The following DPYD variants were observed in gnomAD, a reference collection of about 807,000 sequenced individuals.
DPYD encodes the protein dihydropyrimidine dehydrogenase [NADP(+)].
DPYD carries 109 observed loss-of-function variants against 116.2 expected under a neutral mutation model. The ratio of observed to expected loss-of-function variants is 0.94; its 90% confidence interval spans 0.80 to 1.10. The LOEUF is 1.10. Among genes scored for constraint, DPYD ranks in the 50% least tolerant of loss-of-function variants. The probability of loss-of-function intolerance (pLI) is 0.00; values close to 1 mark genes in which losing one functional copy is unlikely to be tolerated. For missense variants in DPYD, 1,302 were observed against 1,254.5 expected (o/e 1.04, Z -0.57); for synonymous variants, 440 against 432.0 (o/e 1.02, Z -0.23).
intron 5 of DPYD, among the ~76,000 whole-genome samples, chr1:97,709,372 A>T (rs72977720): frequency 0.13 from 19,269 of 151,710 alleles, 1,301 homozygotes; most frequent in African/African-American, 0.15. Flanking sequence ...ACTTTTTAAT[A>T]TTTTTACTTT....
chr1:97,279,573 C>T lies in DPYD; in HGVS notation c.2299+25686G>A, dbSNP rs559235390. On this transcript the variant is annotated intron_variant, in intron 18 of 22. Coordinates refer to ENST00000370192, the MANE Select transcript of DPYD (RefSeq NM_000110.4). ...TAACTCAGGCTGGAGTGCAGTGGTG[C>T]GATCTTGGGTCACCGCAACCTCCGC... Among the ~76,000 whole-genome samples, 5 of 152,118 alleles carry T rather than the reference C, an allele frequency of 3.3e-5. No homozygotes were observed. The South Asian group carries it at 8.3e-4, about 25-fold the overall frequency.
intron 8 of DPYD, among the ~76,000 whole-genome samples, chr1:97,612,945 A>C (rs557459442): frequency 6.6e-6 from 1 of 152,032 alleles, no homozygotes; most frequent in South Asian, 2.1e-4. Context: ...TAATTTTGAA[A>C]TTTTCTTACT....
chr1:97,650,141 T>C (rs1054734562), intron 8 of DPYD, among the ~76,000 whole-genome samples: 1 of 152,106 alleles, frequency 6.6e-6, no homozygotes, highest in Non-Finnish European at 1.5e-5. Context: ...TGCACCCTCA[T>C]AGCCCCTTAC....
At chr1:97,125,177 A>T (rs1045805245) in intron 20 of DPYD, among the ~76,000 whole-genome samples, 2 of 152,092 alleles carry the variant, frequency 1.3e-5, no homozygotes, top group African/African-American at 4.8e-5. Context: ...ATTTTCAGAA[A>T]AGAAGAAATA....
chr1:97,603,637 T>C (rs1655402258), intron 8 of DPYD, among the ~76,000 whole-genome samples: 1 of 152,158 alleles, frequency 6.6e-6, no homozygotes, highest in South Asian at 2.1e-4. Context: ...CCAGTAAATG[T>C]AACTCACATT....
At chr1:97,312,016 A>G (rs978123380) in intron 16 of DPYD, among the ~76,000 whole-genome samples, 29 of 151,746 alleles carry the variant, frequency 1.9e-4, no homozygotes, top group African/African-American at 6.8e-4. Flanking sequence ...GAGATGTTCT[A>G]TTTCTTGACC....
chr1:97,769,531 G>A lies in DPYD; in HGVS notation c.234-29052C>T, dbSNP rs532628737. On this transcript the variant is annotated intron_variant, in intron 3 of 22. Transcript: ENST00000370192. ...TTTTTTAGATTAGAAAAACAGTTTC[G>A]TTTCACTCTAAACATTTTCAAAGAG... Among the ~76,000 whole-genome samples the A allele has an allele frequency of 2.4e-3, 368 of 152,144 alleles. 2 individuals carry two copies. Among genetic ancestry groups the A allele is most frequent in the African/African-American group, 7.8e-3 (322 of 41,544 alleles).
intron 10 of DPYD, among the ~76,000 whole-genome samples, chr1:97,576,947 A>C (rs920737016): frequency 6.6e-6 from 1 of 152,230 alleles, no homozygotes; most frequent in Non-Finnish European, 1.5e-5. Context: ...TCCATTTTAC[A>C]TAAGAAAGGG....
At chr1:97,699,634 T>C (rs534372130) in intron 5 of DPYD, 87 bp from the exon 6 acceptor site, 168 of 1,316,696 alleles carry the variant, frequency 1.3e-4, no homozygotes, top group Non-Finnish European at 1.6e-4. Flanking sequence ...CGAATTCTTG[T>C]TTTAAATAGC....
intron 20 of DPYD, among the ~76,000 whole-genome samples, chr1:97,109,633 G>T (rs942965394): frequency 6.6e-6 from 1 of 152,008 alleles, no homozygotes; most frequent in Non-Finnish European, 1.5e-5. Flanking sequence ...TATGCAATAT[G>T]ATACCTAATA....
chr1:97,653,573 G>A (rs1275682074), intron 8 of DPYD, among the ~76,000 whole-genome samples: 1 of 152,118 alleles, frequency 6.6e-6, no homozygotes, highest in Non-Finnish European at 1.5e-5. Flanking sequence ...AAAGTGCTGG[G>A]ATTACAGGTG....
intron 20 of DPYD, among the ~76,000 whole-genome samples, chr1:97,109,536 G>T (rs1651437539): frequency 6.6e-6 from 1 of 152,004 alleles, no homozygotes; most frequent in African/African-American, 2.4e-5. Flanking sequence ...GAGGAAAATG[G>T]GACTGCTATA....
At chr1:97,903,477 C>T (rs1447013404) in intron 1 of DPYD, among the ~76,000 whole-genome samples, 3 of 151,716 alleles carry the variant, frequency 2.0e-5, no homozygotes, top group Non-Finnish European at 2.9e-5. Context: ...TTTGTCATAA[C>T]CAGAATCTTG....
At chr1:97,750,533 A>G (rs1368934313) in intron 3 of DPYD, among the ~76,000 whole-genome samples, 1 of 152,192 alleles carries the variant, frequency 6.6e-6, no homozygotes, top group African/African-American at 2.4e-5. Flanking sequence ...TAAAAACAAG[A>G]CATAGATGTT....
At chr1:97,721,420 T>C in intron 5 of DPYD, 90 bp downstream of exon 5, 1 of 1,491,066 alleles carries the variant, frequency 6.7e-7, no homozygotes, top group Non-Finnish European at 9.3e-7. Context: ...AAATGTTGGG[T>C]ATCAACAGAG....
At chr1:97,150,362 T>A (rs1271234879) in intron 20 of DPYD, among the ~76,000 whole-genome samples, 2 of 152,214 alleles carry the variant, frequency 1.3e-5, no homozygotes, top group African/African-American at 2.4e-5. Context: ...AGTATGACAA[T>A]GTTTAGCACA....
At chr1:97,162,160 G>A (rs371125957) in intron 20 of DPYD, among the ~76,000 whole-genome samples, 7 of 151,868 alleles carry the variant, frequency 4.6e-5, no homozygotes, top group South Asian at 2.1e-4. Context: ...GACTTCCACA[G>A]TGGTTGAACT....
intron 20 of DPYD, among the ~76,000 whole-genome samples, chr1:97,163,919 A>T (rs1656116107): frequency 6.6e-6 from 1 of 152,210 alleles, no homozygotes. Context: ...TTTTTGGTTC[A>T]TAGAGTTCAA....
At chr1:97,696,842 T>G (rs888840206) in intron 6 of DPYD, among the ~76,000 whole-genome samples, 3 of 152,136 alleles carry the variant, frequency 2.0e-5, no homozygotes, top group Non-Finnish European at 2.9e-5. Flanking sequence ...ATTCTCAAAA[T>G]ATTTCCTATT....
Sources: gnomAD v4.1 joint callset for allele counts (sites outside exome capture counted in the v4.1 genomes callset) on GRCh38, gnomAD v4.1.1 for gene constraint, MANE v1.5 for transcripts, NCBI Gene and HGNC (gene_info 2026-07-23, HGNC 2026-07-21) for gene names.